CNOT6L: variants seen among roughly 807,000 people sequenced by gnomAD.
CNOT6L encodes the protein CCR4-NOT transcription complex subunit 6 like, also known as CCR4-NOT transcription complex subunit 6-like.
CNOT6L carries 7 observed loss-of-function variants against 64.0 expected under a neutral mutation model. The ratio of observed to expected loss-of-function variants is 0.11; its 90% CI spans 0.06 to 0.21. The LOEUF (loss-of-function observed/expected upper bound fraction) is 0.21, where lower values mean the gene tolerates loss of function less well. Ranked by LOEUF, CNOT6L falls within the 10% of genes least tolerant of loss-of-function variation. CNOT6L has a pLI of 1.00. For missense variants in CNOT6L, 245 were observed against 669.0 expected (o/e 0.37, Z 6.99); for synonymous variants, 193 against 243.4 (o/e 0.79, Z 1.93).
chr4:77,754,888 T>TAAAAAAAA, intron 5 of CNOT6L, among the ~76,000 whole-genome samples: 1,821 of 36,808 alleles, frequency 0.049, 436 homozygotes, highest in East Asian at 0.079. Context: ...ACATTAGAAG[T>TAAAAAAAA]AAAAAAAAAA....
intron 7 of CNOT6L, among the ~76,000 whole-genome samples, chr4:77,742,749 T>A (rs1284743007): frequency 6.6e-6 from 1 of 152,168 alleles, no homozygotes; most frequent in Non-Finnish European, 1.5e-5. Flanking sequence ...AAACGTAAAA[T>A]CTATCCACAA....
chr4:77,747,586 T>TA (rs75678892), intron 6 of CNOT6L, among the ~76,000 whole-genome samples: 82,458 of 151,606 alleles, frequency 0.54, 22,693 homozygotes, highest in Admixed American at 0.57. Context: ...CTCTTGTGAT[T>TA]AAAAAAAAGA....
At chr4:77,774,267 G>A (rs1003153071) in intron 3 of CNOT6L, among the ~76,000 whole-genome samples, 4 of 152,036 alleles carry the variant, frequency 2.6e-5, no homozygotes, top group Non-Finnish European at 4.4e-5. Context: ...TATCATATTG[G>A]ATAATGAGAC....
chr4:77,792,688 T>C (rs1231700415), intron 1 of CNOT6L, among the ~76,000 whole-genome samples: 2 of 147,788 alleles, frequency 1.4e-5, no homozygotes, highest in Non-Finnish European at 3.0e-5. Context: ...ATCGTGCCAT[T>C]GCACTCCAGC....
intron 1 of CNOT6L, among the ~76,000 whole-genome samples, chr4:77,796,383 G>A (rs1014150174): frequency 1.3e-5 from 2 of 152,076 alleles, no homozygotes; most frequent in African/African-American, 4.8e-5. Flanking sequence ...AATCATGGGG[G>A]AGGACTTCTC....
rs182065623 is a variant in CNOT6L, at chr4:77,764,181, G to A, written c.401-7230C>T. Among the ~76,000 whole-genome samples the A allele has an allele frequency of 1.5e-3, 233 of 152,218 alleles. 1 individual carries two copies. Among genetic ancestry groups the A allele is most frequent in the African/African-American group, 5.4e-3 (223 of 41,532 alleles). ...GCTCCACGGTAATATGGAATTAAAG[G>A]CATAATAATCTCCACATTTTAAGTA... On this transcript the variant is annotated intron_variant, in intron 4 of 11. Coordinates refer to ENST00000504123, the MANE Select transcript of CNOT6L (RefSeq NM_144571.3).
At chr4:77,819,074 A>ACACACACACACCC (rs368900394) in intron 1 of CNOT6L, 4 of 720,424 alleles carry the variant, frequency 5.6e-6, no homozygotes, top group Non-Finnish European at 9.5e-6. Context: ...ACACACACAC[A>ACACACACACACCC]CCCCGGAACC....
rs543143486 is a variant in CNOT6L at position 77,760,798 on chromosome 4, G to A, written c.401-3847C>T. Among the ~76,000 whole-genome samples, 15 of 137,140 alleles carry A rather than the reference G, an allele frequency of 1.1e-4. No homozygotes were observed. In the South Asian group the frequency reaches 2.6e-3, roughly 24 times the overall value. 90.0% of individuals were successfully genotyped at this position (137,140 alleles called of 152,430 possible). ...TGCAAGCTCCGCCTCCCAGGTTCACGCCATTCTCCTGCCTCGGCCTCCTGA... is the reference window on the plus strand; with the variant it reads ...TGCAAGCTCCGCCTCCCAGGTTCACACCATTCTCCTGCCTCGGCCTCCTGA... On this transcript the variant is annotated intron_variant, in intron 4 of 11. Coordinates refer to ENST00000504123, the MANE Select transcript of CNOT6L (RefSeq NM_144571.3).
At position 77,714,408 on chromosome 4, in the gene CNOT6L, T is replaced by C. The variant is rs1373270105; in HGVS notation, c.*6023A>G. The C allele has an allele frequency of 7.1e-6, 1 of 140,310 alleles. No homozygotes were observed. Among genetic ancestry groups the C allele is most frequent in the Non-Finnish European group, 1.5e-5 (1 of 65,974 alleles). The allele number at this position is 140,310 out of a possible 1,614,324, so 8.7% of individuals were successfully genotyped here. A position where few individuals can be genotyped will look rare whatever the true frequency, so the allele number is the denominator to read the frequency against. ...AATTTGACCAACACCCTGGCCCTTA[T>C]AGAGAGAAAAAGTACATACACACTC... On this transcript the variant is annotated 3_prime_UTR_variant, in exon 12 of 12. Coordinates refer to ENST00000504123, the MANE Select transcript of CNOT6L (RefSeq NM_144571.3).
intron 10 of CNOT6L, among the ~76,000 whole-genome samples, chr4:77,727,080 T>C (rs1271202218): frequency 6.6e-6 from 1 of 152,180 alleles, no homozygotes; most frequent in Non-Finnish European, 1.5e-5. Context: ...ATCTTTCTAT[T>C]TGTAATAAGG....
At chr4:77,771,945 A>C (rs1727600416) in intron 4 of CNOT6L, among the ~76,000 whole-genome samples, 1 of 152,260 alleles carries the variant, frequency 6.6e-6, no homozygotes, top group Non-Finnish European at 1.5e-5. Flanking sequence ...GGTCCTATTA[A>C]TTCATAAATA....
intron 1 of CNOT6L, among the ~76,000 whole-genome samples, chr4:77,779,426 A>G (rs986975415): frequency 6.6e-6 from 1 of 152,222 alleles, no homozygotes; most frequent in Non-Finnish European, 1.5e-5. Flanking sequence ...AATAATTACC[A>G]TCTTTTCTGG....
intron 6 of CNOT6L, among the ~76,000 whole-genome samples, chr4:77,747,806 C>T (rs994442474): frequency 6.6e-6 from 1 of 152,142 alleles, no homozygotes; most frequent in Non-Finnish European, 1.5e-5. Context: ...CACCCCTGGG[C>T]TGGTATTATA....
intron 3 of CNOT6L, among the ~76,000 whole-genome samples, chr4:77,773,997 AAAT>A (rs1386964133): frequency 2.0e-5 from 3 of 152,174 alleles, no homozygotes; most frequent in African/African-American, 7.2e-5. Flanking sequence ...CAATTTTTAA[AAAT>A]TATTACTCAA....
Position 77,771,014 on chromosome 4 carries a change from C to T in CNOT6L, c.400+2067G>A, listed in dbSNP as rs1418359322. 2.0e-5 allele frequency among the ~76,000 whole-genome samples: 3 copies of T among 152,078 alleles called. No individual in the cohort carries two copies. The East Asian group carries it at 5.8e-4, about 29-fold the overall frequency. ...ATGTTTCTAATACAAAGGGTAAGTC[C>T]ACTGGATTCAACAGTAAATTATTCG... is the stretch of plus-strand genomic sequence containing the variant. On this transcript the variant is annotated intron_variant, in intron 4 of 11. Coordinates refer to ENST00000504123, the MANE Select transcript of CNOT6L (RefSeq NM_144571.3).
intron 7 of CNOT6L, among the ~76,000 whole-genome samples, chr4:77,743,056 T>C (rs750631534): frequency 6.6e-6 from 1 of 152,178 alleles, no homozygotes. Flanking sequence ...GGAAAATCCA[T>C]TAAGTACAAT....
chr4:77,779,976 A>G (rs1289868028), intron 1 of CNOT6L, among the ~76,000 whole-genome samples: 3 of 152,110 alleles, frequency 2.0e-5, no homozygotes, highest in Non-Finnish European at 2.9e-5. Context: ...TCAATCAATC[A>G]ATAACAGAGA....
chr4:77,754,760 A>C (rs1483879962), intron 5 of CNOT6L, among the ~76,000 whole-genome samples: 2 of 151,828 alleles, frequency 1.3e-5, no homozygotes, highest in Non-Finnish European at 2.9e-5. Flanking sequence ...ACATACATTG[A>C]CACCTGATTT....
intron 1 of CNOT6L, among the ~76,000 whole-genome samples, chr4:77,817,055 T>C (rs1194059794): frequency 6.6e-6 from 1 of 152,198 alleles, no homozygotes; most frequent in Non-Finnish European, 1.5e-5. Flanking sequence ...TTTCGTAGCA[T>C]TTAAACTTTG....
Sources: gnomAD v4.1 joint callset for allele counts (sites outside exome capture counted in the v4.1 genomes callset) on GRCh38, gnomAD v4.1.1 for gene constraint, MANE v1.5 for transcripts, NCBI Gene and HGNC (gene_info 2026-07-23, HGNC 2026-07-21) for gene names.